The following LRP1B variants were observed in gnomAD, a reference collection of about 807,000 sequenced individuals.
LRP1B encodes LDL receptor related protein 1B.
In LRP1B, 217 loss-of-function variants were observed where a neutral mutation model predicts 556.6. The observed-to-expected ratio is 0.39, with a 90% CI of 0.35 to 0.44. The LOEUF is 0.44. Among genes scored for constraint, LRP1B ranks in the 20% least tolerant of loss-of-function variants. The pLI, the probability that LRP1B is intolerant of heterozygous loss-of-function variation, is 1.00. For synonymous variants in LRP1B, 2,047 were observed against 1,865.8 expected, an observed-to-expected ratio of 1.10 and a Z score of -2.50; for missense variants, 5,053 against 5,620.8, an observed-to-expected ratio of 0.90 and a Z score of 3.23.
chr2:142,088,189 A>G (rs1005132769), intron 1 of LRP1B, among the ~76,000 whole-genome samples: 2 of 152,172 alleles, frequency 1.3e-5, no homozygotes, highest in Non-Finnish European at 2.9e-5. Context: ...TAAATTTTGC[A>G]TAAAGGATAT....
In LRP1B at chr2:141,214,351, G is replaced by A. The variant is rs1682694779; in HGVS notation, c.850+14832C>T. Among the ~76,000 whole-genome samples, 4 of 152,246 alleles carry A rather than the reference G, an allele frequency of 2.6e-5. No individual in the cohort carries two copies. In the South Asian group the frequency reaches 8.3e-4, roughly 32 times the overall value. The stretch of plus-strand genomic sequence containing the variant: ...GCTGACAGTTTCTCAAAGGCTGAGA[G>A]ATACCACAGACACCCGAGCCTGTCC... On this transcript the variant is annotated intron_variant, in intron 6 of 90. Transcript: ENST00000389484.
At chr2:141,035,025 C>T (rs1698489843) in intron 11 of LRP1B, among the ~76,000 whole-genome samples, 1 of 151,844 alleles carries the variant, frequency 6.6e-6, no homozygotes, top group Non-Finnish European at 1.5e-5. Flanking sequence ...TACTATGCAG[C>T]CATAAAAAAT....
chr2:140,519,641 C>T (rs1171726995), intron 49 of LRP1B, among the ~76,000 whole-genome samples: 2 of 152,100 alleles, frequency 1.3e-5, no homozygotes, highest in Non-Finnish European at 2.9e-5. Flanking sequence ...AGATTCTGCA[C>T]AGCAGAAGAA....
intron 2 of LRP1B, among the ~76,000 whole-genome samples, chr2:141,610,822 A>G (rs1688083301): frequency 6.6e-6 from 1 of 152,344 alleles, no homozygotes; most frequent in South Asian, 2.1e-4. Flanking sequence ...CGGAGCATTG[A>G]GATAAGGAAC....
Position 140,541,058 on chromosome 2 carries a change from A to G in LRP1B, c.7428T>C (p.His2476=), listed in dbSNP as rs748925367. The part of the protein sequence containing the change: ...SPCALLNGGC[H]DLCLLTPNGR... Reference sequence around the variant, plus strand: ...CATTGGGAGTTAAAAGGCACAAGTCATGGCAGCCTCCATTCAATAATGCAC... The same window carrying G: ...CATTGGGAGTTAAAAGGCACAAGTCGTGGCAGCCTCCATTCAATAATGCAC... Residue 2476 remains histidine, a synonymous_variant, in exon 45 of 91, where the codon CAT becomes CAC. Coordinates refer to ENST00000389484, the MANE Select transcript of LRP1B (RefSeq NM_018557.3). 1 of 1,611,442 alleles carries G rather than the reference A, an allele frequency of 6.2e-7. No individual in the cohort carries two copies. The highest frequency in any genetic ancestry group is 1.7e-5 in the Admixed American group (1 of 59,852).
intron 1 of LRP1B, among the ~76,000 whole-genome samples, chr2:141,830,503 A>G (rs543775719): frequency 6.6e-6 from 1 of 152,034 alleles, no homozygotes; most frequent in South Asian, 2.1e-4. Context: ...ATAAATACAT[A>G]TAGAAATAAA....
intron 2 of LRP1B, among the ~76,000 whole-genome samples, chr2:141,544,213 TCATAATTTCAA>T (rs1685372332): frequency 6.6e-6 from 1 of 152,124 alleles, no homozygotes; most frequent in African/African-American, 2.4e-5. Flanking sequence ...GGTCTAGTCA[TCATAATTTCAA>T]TTATGAAGGC....
rs538897503 is a variant in LRP1B, at chr2:141,139,857, G to GA, written c.1013+48563dup. 1.3e-4 allele frequency among the ~76,000 whole-genome samples: 19 copies of GA among 150,078 alleles called. No individual in the cohort carries two copies. The East Asian group carries it at 3.3e-3, about 26-fold the overall frequency. On this transcript the variant is annotated intron_variant, in intron 7 of 90. Coordinates refer to ENST00000389484, the MANE Select transcript of LRP1B (RefSeq NM_018557.3). ...TATCCCTTCTACTCACATTTACCAA[G>GA]AAAAAAGGAAGTTTATTTTCATGCT... is the stretch of plus-strand genomic sequence containing the variant.
intron 3 of LRP1B, among the ~76,000 whole-genome samples, chr2:141,276,193 C>G (rs556177655): frequency 7.4e-4 from 113 of 152,312 alleles, no homozygotes; most frequent in Middle Eastern, 3.4e-3. Flanking sequence ...ATTTAATTCT[C>G]TCAACCTGTT....
chr2:141,350,041 A>C (rs920957550), intron 3 of LRP1B, among the ~76,000 whole-genome samples: 5 of 152,012 alleles, frequency 3.3e-5, no homozygotes, highest in African/African-American at 1.2e-4. Flanking sequence ...AAGAGAAGAG[A>C]GTTTGTGCAG....
chr2:141,974,142 T>G (rs1446697399), intron 1 of LRP1B, among the ~76,000 whole-genome samples: 1 of 151,980 alleles, frequency 6.6e-6, no homozygotes, highest in Non-Finnish European at 1.5e-5. Flanking sequence ...CCTTTATAAT[T>G]AGGAGCTTCC....
chr2:141,724,596 T>C (rs12477186), intron 2 of LRP1B, among the ~76,000 whole-genome samples: 88,546 of 151,628 alleles, frequency 0.58, 26,325 homozygotes, highest in East Asian at 0.92. Flanking sequence ...CAAAGTTAAA[T>C]CTGACCTTTA....
intron 41 of LRP1B, among the ~76,000 whole-genome samples, chr2:140,672,912 G>A (rs561263003): frequency 2.6e-5 from 4 of 152,136 alleles, no homozygotes; most frequent in African/African-American, 7.2e-5. Context: ...AAAGATCCAC[G>A]AGTAACATGA....
intron 31 of LRP1B, among the ~76,000 whole-genome samples, chr2:140,819,131 T>C (rs926254782): frequency 6.6e-6 from 1 of 152,104 alleles, no homozygotes; most frequent in Non-Finnish European, 1.5e-5. Context: ...ATAAGAATAA[T>C]GCCTCATACA....
intron 8 of LRP1B, 97 bp downstream of exon 8, chr2:141,061,954 A>G (rs777858564): frequency 6.8e-6 from 6 of 888,406 alleles, no homozygotes; most frequent in Non-Finnish European, 1.1e-5. Flanking sequence ...GACTCATTGC[A>G]GCTCGACTTT....
intron 32 of LRP1B, among the ~76,000 whole-genome samples, chr2:140,792,748 AGAGT>A (rs1346406004): frequency 2.0e-5 from 3 of 152,134 alleles, no homozygotes; most frequent in Admixed American, 1.3e-4. Context: ...AAGTGGAGAG[AGAGT>A]AAGGAGGAAT....
chr2:141,527,545 C>CCT (rs1383737725), intron 2 of LRP1B, among the ~76,000 whole-genome samples: 3 of 152,052 alleles, frequency 2.0e-5, no homozygotes, highest in Admixed American at 2.0e-4. Flanking sequence ...TTCACCTATA[C>CCT]AAATGGAATT....
At chr2:141,249,971 T>G (rs16845691) in intron 4 of LRP1B, among the ~76,000 whole-genome samples, 32,183 of 151,974 alleles carry the variant, frequency 0.21, 3,507 homozygotes, top group South Asian at 0.25. Flanking sequence ...GAATGATGAC[T>G]GAAGATAATT....
intron 25 of LRP1B, among the ~76,000 whole-genome samples, chr2:140,870,318 T>C (rs1010577935): frequency 2.6e-5 from 4 of 152,138 alleles, no homozygotes; most frequent in Non-Finnish European, 4.4e-5. Flanking sequence ...CAGAGGAACA[T>C]TGGCCCAGGA....
Sources: gnomAD v4.1 joint callset for allele counts (sites outside exome capture counted in the v4.1 genomes callset) on GRCh38, gnomAD v4.1.1 for gene constraint, MANE v1.5 for transcripts, NCBI Gene and HGNC (gene_info 2026-07-23, HGNC 2026-07-21) for gene names.